Variants in VPS13B observed in about 807,000 individuals in gnomAD.
VPS13B encodes vacuolar protein sorting 13 homolog B, also known as intermembrane lipid transfer protein VPS13B.
VPS13B carries 285 observed loss-of-function variants against 426.4 expected under a neutral mutation model. That is an observed-to-expected ratio of 0.67 (90% CI 0.61 to 0.74). The LOEUF (loss-of-function observed/expected upper bound fraction) is 0.74. VPS13B is among the 30% of genes least tolerant of loss of function. The pLI is 0.00. For missense variants in VPS13B, 4,537 were observed against 4,782.6 expected (o/e 0.95, Z 1.51); for synonymous variants, 1,676 against 1,676.4 (o/e 1.00, Z 0.01).
chr8:99,852,075 A>G (rs1816323505), intron 55 of VPS13B, among the ~76,000 whole-genome samples: 2 of 152,208 alleles, frequency 1.3e-5, no homozygotes, highest in Non-Finnish European at 2.9e-5. Flanking sequence ...GATTTTCCTA[A>G]TACATTGAGT....
At chr8:99,714,519 T>A (rs2130298007) in intron 36 of VPS13B, among the ~76,000 whole-genome samples, 1 of 152,210 alleles carries the variant, frequency 6.6e-6, no homozygotes, top group South Asian at 2.1e-4. Flanking sequence ...TCTCCAAGTG[T>A]CTCCCCACAA....
chr8:99,568,415 G>A (rs1040944412), intron 31 of VPS13B, among the ~76,000 whole-genome samples: 1 of 150,556 alleles, frequency 6.6e-6, no homozygotes, highest in Non-Finnish European at 1.5e-5. Context: ...CTCAGCCTCC[G>A]AAGTAGCTGG....
intron 39 of VPS13B, among the ~76,000 whole-genome samples, chr8:99,727,895 C>T (rs546136173): frequency 9.2e-5 from 14 of 152,362 alleles, no homozygotes; most frequent in African/African-American, 3.4e-4. Flanking sequence ...GAGTCTGGTT[C>T]ACCTGGTAGC....
chr8:99,720,826 T>C, intron 38 of VPS13B, 37 bp from the exon 39 acceptor site: 1 of 1,571,176 alleles, frequency 6.4e-7, no homozygotes, highest in Non-Finnish European at 8.7e-7. Context: ...CATGTTCCCC[T>C]TTAAATCATA....
chr8:99,826,497 T>C (rs1386323469), intron 51 of VPS13B, among the ~76,000 whole-genome samples: 3 of 152,166 alleles, frequency 2.0e-5, no homozygotes, highest in Admixed American at 6.5e-5. Flanking sequence ...TCTAAATATA[T>C]AATCACGCCA....
chr8:99,674,465 T>C (rs915183501), intron 35 of VPS13B, among the ~76,000 whole-genome samples: 3 of 152,096 alleles, frequency 2.0e-5, no homozygotes, highest in African/African-American at 7.2e-5. Context: ...CTATGTGTGT[T>C]CTTATAAGTG....
chr8:99,015,289 T>C (rs986644686), intron 2 of VPS13B, among the ~76,000 whole-genome samples: 3 of 148,690 alleles, frequency 2.0e-5, no homozygotes, highest in African/African-American at 7.5e-5. Flanking sequence ...CGATCTCGGC[T>C]CACTGCAAGC....
chr8:99,833,716 A>G (rs1815217624), intron 52 of VPS13B, among the ~76,000 whole-genome samples: 2 of 152,250 alleles, frequency 1.3e-5, no homozygotes, highest in African/African-American at 4.8e-5. Flanking sequence ...TTAAAAAACA[A>G]AATTTGAAAC....
intron 17 of VPS13B, among the ~76,000 whole-genome samples, chr8:99,255,176 C>T (rs901294608): frequency 2.0e-5 from 3 of 151,882 alleles, no homozygotes; most frequent in African/African-American, 7.3e-5. Context: ...TTGGTTTGGT[C>T]ATTACATTTT....
Position 99,287,232 on chromosome 8 carries a change from GTCTATCTATCTATCTA to G in VPS13B, c.2824+12018_2824+12033del, listed in dbSNP as rs58719967. ...TATGTGTGTGTGTATCTATCTGTCT[GTCTATCTATCTATCTA>G]TCTATCTATCTATCTATCTATCTAT... On this transcript the variant is annotated intron_variant, in intron 19 of 61. Transcript: ENST00000357162. Among the ~76,000 whole-genome samples, 532 of 139,126 alleles carry G rather than the reference GTCTATCTATCTATCTA, an allele frequency of 3.8e-3. 2 individuals are homozygous for G. The highest frequency in any genetic ancestry group is 5.3e-3 in the Admixed American group (68 of 12,836). 91.3% of individuals were successfully genotyped at this position (139,126 alleles called of 152,430 possible).
intron 19 of VPS13B, among the ~76,000 whole-genome samples, chr8:99,363,076 C>T (rs1237710209): frequency 6.6e-6 from 1 of 152,176 alleles, no homozygotes; most frequent in African/African-American, 2.4e-5. Flanking sequence ...AATCTCTGCT[C>T]AGACCAATGT....
At chr8:99,566,363 G>T (rs1825185467) in intron 31 of VPS13B, among the ~76,000 whole-genome samples, 1 of 151,952 alleles carries the variant, frequency 6.6e-6, no homozygotes, top group Non-Finnish European at 1.5e-5. Context: ...AAGATGGATG[G>T]ATAGATAATG....
chr8:99,085,178 C>T (rs931399297), intron 3 of VPS13B, among the ~76,000 whole-genome samples: 3 of 152,188 alleles, frequency 2.0e-5, no homozygotes, highest in Non-Finnish European at 4.4e-5. Context: ...TAGCTCTTGT[C>T]GTTGAATTGA....
chr8:99,254,195 C>A (rs1444590045), intron 17 of VPS13B, among the ~76,000 whole-genome samples: 1 of 152,116 alleles, frequency 6.6e-6, no homozygotes, highest in African/African-American at 2.4e-5. Context: ...GTTTGGAGAT[C>A]TTTACCTGTC....
intron 31 of VPS13B, among the ~76,000 whole-genome samples, chr8:99,564,088 A>G (rs1296135560): frequency 3.9e-5 from 6 of 152,242 alleles, no homozygotes; most frequent in Middle Eastern, 3.4e-3. Flanking sequence ...ATGTGCTTCT[A>G]TGTGTATGTT....
Position 99,481,770 on chromosome 8 carries a change from A to G in VPS13B, c.3838A>G (p.Ser1280Gly). Residue 1280 changes from serine (S) to glycine (G), a missense_variant, in exon 25 of 62, where the codon AGC (serine) becomes GGC (glycine). Around this residue, in one of 2 missense-constraint regions of VPS13B, gnomAD observed 4,311 missense variants for 4,474.3 expected, o/e 0.96. Transcript: ENST00000357162. ...AGCTCCTCCAGATACCAGCACATGC[A>G]GCCCATCTGCTGACATTGGGACTAC... ...GTAPPDTSTC[S>G]PSADIGTTTE... is the part of the protein sequence containing the mutation. The G allele has an allele frequency of 1.2e-6, 2 of 1,613,954 alleles. No individual in the cohort carries two copies. The highest frequency in any genetic ancestry group is 1.7e-6 in the Non-Finnish European group (2 of 1,179,838).
chr8:99,603,663 A>T (rs2133861947), intron 33 of VPS13B, among the ~76,000 whole-genome samples: 1 of 152,262 alleles, frequency 6.6e-6, no homozygotes, highest in East Asian at 1.9e-4. Context: ...GGTGTGGGAG[A>T]CTTCATCACA....
intron 37 of VPS13B, among the ~76,000 whole-genome samples, chr8:99,719,768 A>G (rs1257784598): frequency 6.6e-6 from 1 of 152,146 alleles, no homozygotes. Context: ...CTGAAACTCT[A>G]CTGTAGCTAC....
At chr8:99,700,076 G>A in intron 36 of VPS13B, 144 bp downstream of exon 36, 1 of 1,036,600 alleles carries the variant, frequency 9.6e-7, no homozygotes, top group Non-Finnish European at 1.4e-6. Flanking sequence ...TCTGGTTTGT[G>A]ACCTTATTTT....
Sources: allele counts gnomAD v4.1 joint callset (sites outside exome capture counted in the v4.1 genomes callset), GRCh38; gene constraint gnomAD v4.1.1; regional missense constraint gnomAD v4.1.1; transcripts MANE v1.5; gene names NCBI Gene and HGNC (gene_info 2026-07-23, HGNC 2026-07-21).